GBP7: variants seen among roughly 807,000 people sequenced by gnomAD.
The protein encoded by GBP7 is guanylate-binding protein 7.
A neutral mutation model predicts 61.3 loss-of-function variants in GBP7; 43 were observed. The ratio of observed to expected loss-of-function variants is 0.70; its 90% CI spans 0.55 to 0.91. GBP7 has a LOEUF of 0.91. Ranked by LOEUF, GBP7 falls within the 40% of genes least tolerant of loss-of-function variation. The pLI is 0.00. For missense variants in GBP7, 717 were observed against 740.5 expected, an observed-to-expected ratio of 0.97 and a Z score of 0.37; for synonymous variants, 267 against 271.0, an observed-to-expected ratio of 0.99 and a Z score of 0.14.
intron 9 of GBP7, among the ~76,000 whole-genome samples, chr1:89,134,692 C>A (rs1357338463): frequency 6.6e-6 from 1 of 151,642 alleles, no homozygotes; most frequent in Non-Finnish European, 1.5e-5. Flanking sequence ...GCCAAAAACC[C>A]CATGAAAGAA....
intron 1 of GBP7, among the ~76,000 whole-genome samples, chr1:89,173,528 T>G (rs1647662105): frequency 6.6e-6 from 1 of 152,212 alleles, no homozygotes. Context: ...ATAATAAGTC[T>G]GTGGAAAAAT....
Position 89,135,653 on chromosome 1 carries a change from T to C in GBP7, c.1469-2202A>G, listed in dbSNP as rs1013840497. 2.0e-5 allele frequency among the ~76,000 whole-genome samples: 3 copies of C among 152,182 alleles called. No homozygotes were observed. The East Asian group carries it at 5.8e-4, about 29-fold the overall frequency. ...TAGACAAGCAAATGCTAAGGGAATT[T>C]GTTACCACCAGACCTGCCTTACTCA... On this transcript the variant is annotated intron_variant, in intron 9 of 10. Coordinates refer to ENST00000294671, the MANE Select transcript of GBP7 (RefSeq NM_207398.3).
At position 89,132,003 on chromosome 1, in the gene GBP7, A is replaced by C; in HGVS notation, c.*146T>G. On this transcript the variant is annotated 3_prime_UTR_variant, in exon 11 of 11. Transcript: ENST00000294671. ...ATTTCTATTAATTATTACTTTAGTC[A>C]AAATTAAGTTTGTTTTTATGAACTT... 1.9e-6 allele frequency: 1 copy of C among 539,126 alleles called. No homozygotes were observed. The highest frequency in any genetic ancestry group is 3.1e-6 in the Non-Finnish European group (1 of 321,242). The allele number at this position is 539,126 out of a possible 1,614,324, so 33.4% of individuals were successfully genotyped here.
At chr1:89,167,153 G>C (rs1647467610) in intron 2 of GBP7, among the ~76,000 whole-genome samples, 1 of 152,124 alleles carries the variant, frequency 6.6e-6, no homozygotes. Flanking sequence ...CCCAAAGTGA[G>C]CTCATCTTGG....
chr1:89,141,073 T>C (rs1681933678), intron 9 of GBP7, among the ~76,000 whole-genome samples: 3 of 151,976 alleles, frequency 2.0e-5, no homozygotes, highest in Admixed American at 6.6e-5. Context: ...AGGGTAAAGA[T>C]TGAAAAACTA....
intron 8 of GBP7, among the ~76,000 whole-genome samples, chr1:89,142,756 T>A (rs1681981738): frequency 7.0e-6 from 1 of 143,218 alleles, no homozygotes; most frequent in African/African-American, 2.6e-5. Context: ...ACCTAGGCAT[T>A]TTTTGACGGT....
intron 2 of GBP7, among the ~76,000 whole-genome samples, chr1:89,168,155 A>T (rs1014145456): frequency 3.9e-5 from 6 of 152,222 alleles, no homozygotes; most frequent in Non-Finnish European, 7.3e-5. Flanking sequence ...TCTGATTGGC[A>T]TATAGAGGCT....
intron 3 of GBP7, among the ~76,000 whole-genome samples, chr1:89,157,691 C>G (rs1682347529): frequency 6.6e-6 from 1 of 151,790 alleles, no homozygotes; most frequent in Non-Finnish European, 1.5e-5. Context: ...ATAGCAGGCT[C>G]TGAAATTGAG....
chr1:89,141,593 A>T lies in GBP7; in HGVS notation c.1421T>A (p.Ile474Asn), dbSNP rs777370187. Residue 474 changes from isoleucine to asparagine, a missense_variant, in exon 9 of 11, where the codon ATC becomes AAC. By Grantham distance (149) the Ile-to-Asn change is moderately radical. Around this residue, in one of 3 missense-constraint regions of GBP7, gnomAD observed 312 missense variants for 310.1 expected, o/e 1.01. Transcript: ENST00000294671. Reference protein sequence around the residue: ...LQSQVVIEESILQSDKALTAG... With the variant: ...LQSQVVIEESNLQSDKALTAG... ...AGTGAGGGCTTTGTCTGACTGCAGG[A>T]TGGATTCCTCTATAACCACCTGTGA... The T allele has an allele frequency of 1.6e-5, 26 of 1,613,782 alleles. No individual in the cohort carries two copies. In the East Asian group the frequency reaches 5.8e-4, roughly 36 times the overall value.
intron 3 of GBP7, among the ~76,000 whole-genome samples, chr1:89,161,383 C>G (rs1028719454): frequency 3.3e-5 from 5 of 152,186 alleles, no homozygotes; most frequent in East Asian, 1.9e-4. Context: ...AATTTACACT[C>G]CCACCAACAA....
chr1:89,152,883 C>T, intron 3 of GBP7, 106 bp from the exon 4 acceptor site: 1 of 775,678 alleles, frequency 1.3e-6, no homozygotes, highest in East Asian at 2.7e-5. Flanking sequence ...TTCCAGTTTT[C>T]CCAAAATGCT....
At position 89,161,243 on chromosome 1, in the gene GBP7, C is replaced by T. The variant is rs148169205; in HGVS notation, c.318+3488G>A. Among the ~76,000 whole-genome samples the T allele has an allele frequency of 4.9e-3, 740 of 151,772 alleles. 4 individuals are homozygous for T. Among genetic ancestry groups the T allele is most frequent in the African/African-American group, 0.016 (683 of 41,466 alleles). The stretch of plus-strand genomic sequence containing the variant: ...GTGCCATAATGAATATTCACGTACA[C>T]GTATCTTTATAATAGAACAATTTAT... On this transcript the variant is annotated intron_variant, in intron 3 of 10. Coordinates refer to ENST00000294671, the MANE Select transcript of GBP7 (RefSeq NM_207398.3).
At chr1:89,144,106 CTTACAAGTGAG>C (rs1172551889) in intron 8 of GBP7, among the ~76,000 whole-genome samples, 2 of 152,178 alleles carry the variant, frequency 1.3e-5, no homozygotes, top group East Asian at 3.8e-4. Context: ...TTAGCTCCCA[CTTACAAGTGAG>C]AACATGGAGT....
chr1:89,165,088 G>T (rs950841533), intron 2 of GBP7, among the ~76,000 whole-genome samples: 2 of 152,148 alleles, frequency 1.3e-5, no homozygotes, highest in Non-Finnish European at 2.9e-5. Flanking sequence ...TTATATTACA[G>T]AATTAATGTA....
chr1:89,151,154 T>C (rs1682188112), intron 5 of GBP7, among the ~76,000 whole-genome samples: 1 of 152,184 alleles, frequency 6.6e-6, no homozygotes, highest in Non-Finnish European at 1.5e-5. Context: ...AGCCCTAGAC[T>C]TTCCCACCCT....
At chr1:89,170,054 A>G (rs1385323771) in intron 2 of GBP7, among the ~76,000 whole-genome samples, 1 of 152,210 alleles carries the variant, frequency 6.6e-6, no homozygotes, top group East Asian at 1.9e-4. Flanking sequence ...TATTCCTAAC[A>G]CAACTTTTTG....
chr1:89,133,197 C>A, intron 10 of GBP7, 61 bp downstream of exon 10: 1 of 1,356,816 alleles, frequency 7.4e-7, no homozygotes, highest in South Asian at 1.3e-5. Context: ...AATTTTGGCT[C>A]TTCCCTAAAT....
At position 89,153,545 on chromosome 1, in the gene GBP7, A is replaced by G. The variant is rs1002786598; in HGVS notation, c.319-768T>C. On this transcript the variant is annotated intron_variant, in intron 3 of 10. Coordinates refer to ENST00000294671, the MANE Select transcript of GBP7 (RefSeq NM_207398.3). ...ATATTAGGAATGCCAATGTTAATCA[A>G]TTGAATTCACCAAAAATTGTTCAGC... 4.6e-5 allele frequency among the ~76,000 whole-genome samples: 7 copies of G among 152,312 alleles called. No individual in the cohort carries two copies. In the East Asian group the frequency reaches 9.6e-4, roughly 21 times the overall value.
At chr1:89,132,704 C>T (rs1407782353) in intron 10 of GBP7, among the ~76,000 whole-genome samples, 2 of 152,104 alleles carry the variant, frequency 1.3e-5, no homozygotes, top group African/African-American at 2.4e-5. Context: ...CCCTTTCCAC[C>T]GATATAGCAA....
Sources: allele counts gnomAD v4.1 joint callset (sites outside exome capture counted in the v4.1 genomes callset), GRCh38; gene constraint gnomAD v4.1.1; regional missense constraint gnomAD v4.1.1; transcripts MANE v1.5; gene names NCBI Gene and HGNC (gene_info 2026-07-23, HGNC 2026-07-21).